Variants in PATL1 observed in about 807,000 individuals in gnomAD.
The protein encoded by PATL1 is PAT1 homolog 1, processing body mRNA decay factor, also known as protein PAT1 homolog 1.
A neutral mutation model predicts 100.6 loss-of-function variants in PATL1; 32 were observed. That is an observed-to-expected ratio of 0.32 (90% CI 0.24 to 0.43). The LOEUF is 0.43. Among genes scored for constraint, PATL1 ranks in the 20% least tolerant of loss-of-function variants. The probability of loss-of-function intolerance (pLI) is 1.00; values close to 1 mark genes in which losing one functional copy is unlikely to be tolerated. For synonymous variants in PATL1, 332 were observed against 330.0 expected (o/e 1.01, Z -0.07); for missense variants, 747 against 949.9 (o/e 0.79, Z 2.81).
intron 1 of PATL1, among the ~76,000 whole-genome samples, chr11:59,668,025 C>T (rs1042603508): frequency 6.6e-6 from 1 of 152,240 alleles, no homozygotes; most frequent in Non-Finnish European, 1.5e-5. Flanking sequence ...CCCCAGAGCC[C>T]TTCCAAACTC....
chr11:59,646,278 ATTT>A (rs35277057), intron 15 of PATL1, among the ~76,000 whole-genome samples: 20 of 133,758 alleles, frequency 1.5e-4, no homozygotes, highest in Non-Finnish European at 2.4e-4. Flanking sequence ...CATTTGTGGA[ATTT>A]TTTTTTTTTT....
At chr11:59,645,266 A>C (rs2134740503) in intron 15 of PATL1, among the ~76,000 whole-genome samples, 1 of 51,140 alleles carries the variant, frequency 2.0e-5, no homozygotes, top group East Asian at 4.7e-4. Context: ...CGCCATTGTC[A>C]TCATGGCCCG....
intron 2 of PATL1, among the ~76,000 whole-genome samples, chr11:59,665,567 G>A (rs1861675005): frequency 6.6e-6 from 1 of 152,020 alleles, no homozygotes; most frequent in African/African-American, 2.4e-5. Flanking sequence ...TTGGGAGGCT[G>A]AGGAGGGATC....
intron 14 of PATL1, 58 bp from the exon 15 acceptor site, chr11:59,647,971 T>C (rs1861386924): frequency 7.3e-6 from 11 of 1,497,988 alleles, no homozygotes; most frequent in Non-Finnish European, 1.0e-5. Context: ...AACCCTCATT[T>C]TTTTCCTCTT....
intron 1 of PATL1, 135 bp downstream of exon 1, chr11:59,668,746 C>T (rs1455534191): frequency 4.2e-6 from 2 of 479,208 alleles, no homozygotes; most frequent in South Asian, 2.1e-5. Context: ...CCAGACCAGT[C>T]GCGTCCAGCT....
In PATL1 at chr11:59,649,704, C is replaced by G. The variant is rs1861414391; in HGVS notation, c.1585-94G>C. ...ACAGTTTAGGACTACTAGCTAAAGA[C>G]AAACTCATTATAGAAAGACTGAGAT... On this transcript the variant is annotated intron_variant, in intron 13 of 18. Transcript: ENST00000300146. The G allele has an allele frequency of 2.0e-5, 24 of 1,215,758 alleles. No homozygotes were observed. The South Asian group carries it at 4.3e-4, about 22-fold the overall frequency. The allele number at this position is 1,215,758 out of a possible 1,614,324, so 75.3% of individuals were successfully genotyped here.
intron 18 of PATL1, 94 bp from the exon 19 acceptor site, chr11:59,638,505 C>A: frequency 8.6e-7 from 1 of 1,163,628 alleles, no homozygotes; most frequent in South Asian, 1.3e-5. Flanking sequence ...TAAGACTTCT[C>A]ATAACAAAAT....
chr11:59,657,343 A>T (rs1861550819), intron 5 of PATL1, among the ~76,000 whole-genome samples, 187 bp downstream of exon 5: 1 of 152,228 alleles, frequency 6.6e-6, no homozygotes, highest in South Asian at 2.1e-4. Flanking sequence ...CAGCAGCAAT[A>T]GCAGCAGCAA....
chr11:59,668,837 G>T, intron 1 of PATL1, 44 bp downstream of exon 1: 1 of 1,258,316 alleles, frequency 7.9e-7, no homozygotes, highest in Non-Finnish European at 1.1e-6. Context: ...AGGGAGAGGG[G>T]CGCGGGAGGG....
intron 6 of PATL1, 53 bp downstream of exon 6, chr11:59,656,446 T>A (rs186931344): frequency 7.0e-7 from 1 of 1,437,418 alleles, no homozygotes. Flanking sequence ...ATCTTACAAA[T>A]AGTGATCAGA....
intron 12 of PATL1, among the ~76,000 whole-genome samples, chr11:59,651,265 A>G (rs1861439977): frequency 6.6e-6 from 1 of 152,174 alleles, no homozygotes; most frequent in African/African-American, 2.4e-5. Context: ...ATAGAAAATG[A>G]TAATTTTTTT....
In PATL1 at chr11:59,652,548, C is replaced by A; in HGVS notation, c.1342G>T (p.Glu448Ter). The change falls in exon 11 of 19, where the codon GAA becomes TAA. Residue 448 changes from glutamate to a stop codon, truncating the protein, a stop_gained. Transcript: ENST00000300146. LOFTEE classifies it high-confidence loss of function. ...TTCTTAGGGCCATCACCTTGTATTT[C>A]TTCAGCAGCTGACAGTTTCTCCAGT... ...EKLEKLSAAE[E>*]IQGDGPKKER... is the part of the protein sequence containing the mutation. The A allele has an allele frequency of 6.2e-7, 1 of 1,613,798 alleles. No homozygotes were observed. Among genetic ancestry groups the A allele is most frequent in the Non-Finnish European group, 8.5e-7 (1 of 1,179,822 alleles).
In PATL1 at chr11:59,658,479, C is replaced by T. The variant is rs11230035; in HGVS notation, c.426+387G>A. ...CTGGGATTACAGGTGCCCACCACCA[C>T]GCCTGGTTAATTTTTGTATTTTTAG... On this transcript the variant is annotated intron_variant, in intron 4 of 18. Coordinates refer to ENST00000300146, the MANE Select transcript of PATL1 (RefSeq NM_152716.3). 4.3e-4 allele frequency among the ~76,000 whole-genome samples: 66 copies of T among 152,200 alleles called. 2 individuals carry two copies. In the East Asian group the frequency reaches 8.1e-3, roughly 19 times the overall value.
At chr11:59,651,401 G>A (rs2134747762) in intron 12 of PATL1, 143 bp downstream of exon 12, 2 of 636,632 alleles carry the variant, frequency 3.1e-6, no homozygotes, top group Non-Finnish European at 5.5e-6. Flanking sequence ...CACATCTGTG[G>A]AAAACTAGAA....
At chr11:59,642,033 C>T (rs1240424751) in intron 16 of PATL1, among the ~76,000 whole-genome samples, 1 of 152,116 alleles carries the variant, frequency 6.6e-6, no homozygotes, top group Non-Finnish European at 1.5e-5. Flanking sequence ...GGCATTATAT[C>T]GAACCACTTA....
intron 2 of PATL1, among the ~76,000 whole-genome samples, chr11:59,662,032 GATTAC>G (rs941621717): frequency 6.6e-6 from 1 of 152,142 alleles, no homozygotes; most frequent in Non-Finnish European, 1.5e-5. Context: ...TTTAGAATCA[GATTAC>G]ATTAACAGTT....
intron 13 of PATL1, 80 bp from the exon 14 acceptor site, chr11:59,649,690 C>G: frequency 7.3e-7 from 1 of 1,371,498 alleles, no homozygotes; most frequent in South Asian, 1.5e-5. Context: ...CAGTTTAGGA[C>G]TACTAGCTAA....
intron 15 of PATL1, among the ~76,000 whole-genome samples, chr11:59,647,501 C>T (rs1260034065): frequency 6.6e-6 from 1 of 152,192 alleles, no homozygotes; most frequent in Non-Finnish European, 1.5e-5. Context: ...ATACAGACCA[C>T]ATCTTTACAA....
chr11:59,654,182 A>G, intron 8 of PATL1, 110 bp from the exon 9 acceptor site: 1 of 971,640 alleles, frequency 1.0e-6, no homozygotes, highest in South Asian at 1.3e-5. Flanking sequence ...AAGGGACTAC[A>G]AAAGTCTATT....
Sources: gnomAD v4.1 joint callset for allele counts (sites outside exome capture counted in the v4.1 genomes callset) on GRCh38, gnomAD v4.1.1 for gene constraint, MANE v1.5 for transcripts, NCBI Gene and HGNC (gene_info 2026-07-23, HGNC 2026-07-21) for gene names.